SNX6: variants seen among roughly 807,000 people sequenced by gnomAD.
The protein encoded by SNX6 is sorting nexin-6.
Under a neutral mutation model 63.0 loss-of-function variants are expected in SNX6, and 34 were observed. The observed-to-expected ratio is 0.54, with a 90% CI of 0.41 to 0.72. The LOEUF is 0.72. SNX6 is among the 30% of genes least tolerant of loss of function. The pLI is 0.00. For missense variants in SNX6, 398 were observed against 471.4 expected (o/e 0.84, Z 1.44); for synonymous variants, 170 against 164.2 (o/e 1.04, Z -0.27).
intron 11 of SNX6, among the ~76,000 whole-genome samples, chr14:34,575,112 G>A (rs1017304987): frequency 2.7e-5 from 4 of 150,342 alleles, no homozygotes; most frequent in South Asian, 4.2e-4. Context: ...GGGTGGTCTC[G>A]AACTCCTGAT....
rs755166182 is a variant in SNX6 at position 34,593,126 on chromosome 14, C to T, written c.637G>A (p.Glu213Lys). Residue 213 changes from glutamate (E) to lysine (K), a missense_variant, in exon 8 of 14, where the codon GAA becomes AAA. Physicochemically the swap from Glu to Lys is moderately conservative, Grantham distance 56. Coordinates refer to ENST00000362031, the MANE Select transcript of SNX6 (RefSeq NM_152233.4). ...VKDVDDFFEH[E>K]RTFLLEYHNR... Reference sequence around the variant, plus strand: ...TGATACTCCAAAAGAAATGTTCGTTCGTGCTCAAAGAAATCATCTACATCC... The same window carrying T: ...TGATACTCCAAAAGAAATGTTCGTTTGTGCTCAAAGAAATCATCTACATCC... 3 of 1,605,062 alleles carry T rather than the reference C, an allele frequency of 1.9e-6. No homozygotes were observed. Among genetic ancestry groups the T allele is most frequent in the Non-Finnish European group, 2.5e-6 (3 of 1,177,096 alleles).
At chr14:34,610,072 G>A (rs896479744) in intron 2 of SNX6, among the ~76,000 whole-genome samples, 2 of 151,826 alleles carry the variant, frequency 1.3e-5, no homozygotes, top group South Asian at 4.1e-4. Context: ...AGCCAGATGT[G>A]ATGGCTCATG....
intron 2 of SNX6, among the ~76,000 whole-genome samples, chr14:34,628,921 GC>G (rs1883929790): frequency 6.6e-6 from 1 of 152,040 alleles, no homozygotes; most frequent in Admixed American, 6.6e-5. Context: ...CCACCCTTCA[GC>G]CAAGGAAAAA....
chr14:34,614,725 C>T (rs979784548), intron 2 of SNX6, among the ~76,000 whole-genome samples: 6 of 152,152 alleles, frequency 3.9e-5, no homozygotes, highest in African/African-American at 1.4e-4. Context: ...TGAGACCAGC[C>T]TGGGCAACAT....
chr14:34,608,560 A>G (rs1883106902), intron 3 of SNX6, among the ~76,000 whole-genome samples: 1 of 152,212 alleles, frequency 6.6e-6, no homozygotes. Flanking sequence ...ACTCTGAGCT[A>G]TATGGACAAG....
At chr14:34,594,110 G>A (rs12433475) in intron 7 of SNX6, among the ~76,000 whole-genome samples, 11,840 of 152,244 alleles carry the variant, frequency 0.078, 773 homozygotes, top group Admixed American at 0.21. Context: ...GCCAGCAGAA[G>A]TGATCAATTC....
intron 13 of SNX6, among the ~76,000 whole-genome samples, chr14:34,564,643 C>A (rs1277859254): frequency 6.6e-6 from 1 of 151,978 alleles, no homozygotes; most frequent in Non-Finnish European, 1.5e-5. Context: ...GCCTGGCCAA[C>A]ATGGTGAAAC....
intron 9 of SNX6, among the ~76,000 whole-genome samples, chr14:34,582,835 G>A (rs1165741795): frequency 6.6e-6 from 1 of 150,914 alleles, no homozygotes; most frequent in Non-Finnish European, 1.5e-5. Context: ...GAGTCACTGT[G>A]CCCAGCCAAC....
chr14:34,606,614 G>C (rs12890311), intron 4 of SNX6, among the ~76,000 whole-genome samples: 57,099 of 151,480 alleles, frequency 0.38, 12,562 homozygotes, highest in East Asian at 0.74. Flanking sequence ...CACCATGCCT[G>C]GCTAATTTTG....
chr14:34,594,978 G>C (rs1162718895), intron 7 of SNX6, among the ~76,000 whole-genome samples: 1 of 152,070 alleles, frequency 6.6e-6, no homozygotes, highest in Non-Finnish European at 1.5e-5. Context: ...TATAGTTCCA[G>C]CTACTTGGGA....
At chr14:34,590,895 AG>A (rs1158662861) in intron 8 of SNX6, among the ~76,000 whole-genome samples, 1 of 152,244 alleles carries the variant, frequency 6.6e-6, no homozygotes, top group African/African-American at 2.4e-5. Context: ...AGCAACAAAA[AG>A]AAATGAACTA....
At position 34,567,737 on chromosome 14, in the gene SNX6, T is replaced by C. The variant is rs769569157; in HGVS notation, c.1116A>G (p.Ala372=). The C allele has an allele frequency of 3.1e-6, 5 of 1,613,838 alleles. No individual in the cohort carries two copies. The highest frequency in any genetic ancestry group is 2.7e-5 in the African/African-American group (2 of 74,938). ...LIDFKTRRVA[A]FRKNLVELAE... is the part of the protein sequence containing the mutation. ...CCAGTTCCACTAAATTTTTTCTGAA[T>C]GCAGCAACTCTTCTTGTCTTAAAAT... Residue 372 remains alanine (A), a synonymous_variant, in exon 13 of 14, where the codon GCA becomes GCG. Transcript: ENST00000362031.
At chr14:34,624,423 C>A (rs1345139158) in intron 2 of SNX6, among the ~76,000 whole-genome samples, 1 of 152,128 alleles carries the variant, frequency 6.6e-6, no homozygotes, top group African/African-American at 2.4e-5. Flanking sequence ...TCTTAGGGCA[C>A]TAAGATTCTG....
At position 34,581,361 on chromosome 14, in the gene SNX6, C is replaced by T. The variant is rs552046483; in HGVS notation, c.834+200G>A. Among the ~76,000 whole-genome samples, 7 of 152,246 alleles carry T rather than the reference C, an allele frequency of 4.6e-5. No individual in the cohort carries two copies. The East Asian group carries it at 1.2e-3, about 25-fold the overall frequency. The stretch of plus-strand genomic sequence containing the variant: ...TAGAGACAGGGTTTCACTATGTTGG[C>T]CAGGATGGTCTTGATCTCGTGACCT... On this transcript the variant is annotated intron_variant, in intron 10 of 13. Transcript: ENST00000362031.
intron 4 of SNX6, 46 bp from the exon 5 acceptor site, chr14:34,605,763 T>G (rs1254978849): frequency 6.3e-7 from 1 of 1,581,352 alleles, no homozygotes; most frequent in Non-Finnish European, 8.5e-7. Context: ...TTTCATTTCT[T>G]GAAGCATTGT....
At chr14:34,618,351 C>A (rs1485384141) in intron 2 of SNX6, among the ~76,000 whole-genome samples, 2 of 125,266 alleles carry the variant, frequency 1.6e-5, no homozygotes, top group Non-Finnish European at 3.1e-5. Context: ...GCCATGTGGC[C>A]TCCTTTTTGG....
intron 2 of SNX6, among the ~76,000 whole-genome samples, chr14:34,628,125 T>C (rs886624585): frequency 4.6e-5 from 7 of 151,592 alleles, no homozygotes; most frequent in Non-Finnish European, 1.0e-4. Context: ...GGCCCAGGAG[T>C]TTGACACTGG....
At chr14:34,603,551 C>G (rs1174555203) in intron 5 of SNX6, 80 bp from the exon 6 acceptor site, 12 of 1,225,990 alleles carry the variant, frequency 9.8e-6, no homozygotes, top group Admixed American at 8.2e-5. Context: ...TCAGAAAATA[C>G]TCTTTGGATT....
intron 2 of SNX6, among the ~76,000 whole-genome samples, chr14:34,623,256 G>A (rs1044187820): frequency 6.6e-6 from 1 of 151,920 alleles, no homozygotes; most frequent in East Asian, 1.9e-4. Context: ...AATTTGAAGC[G>A]AAAGAAAAGG....
Sources: gnomAD v4.1 joint callset for allele counts (sites outside exome capture counted in the v4.1 genomes callset) on GRCh38, gnomAD v4.1.1 for gene constraint, MANE v1.5 for transcripts, NCBI Gene and HGNC (gene_info 2026-07-23, HGNC 2026-07-21) for gene names.